Variants in GLIS2 observed in about 807,000 individuals in gnomAD.
The protein encoded by GLIS2 is GLIS family zinc finger 2, also known as zinc finger protein GLIS2.
In GLIS2, 14 loss-of-function variants were observed where a neutral mutation model predicts 35.6. The observed-to-expected ratio is 0.39, with a 90% CI of 0.26 to 0.61. The LOEUF (loss-of-function observed/expected upper bound fraction) is 0.61. Among genes scored for constraint, GLIS2 ranks in the 20% least tolerant of loss-of-function variants. The probability of loss-of-function intolerance (pLI) is 0.48; values close to 1 mark genes in which losing one functional copy is unlikely to be tolerated. For missense variants in GLIS2, 675 were observed against 713.4 expected (o/e 0.95, Z 0.61); for synonymous variants, 368 against 325.1 (o/e 1.13, Z -1.42).
upstream of GLIS2, chr16:4,315,169 A>T (rs2053293285): frequency 6.6e-6 from 1 of 152,224 alleles, no homozygotes; most frequent in South Asian, 2.1e-4. Context: ...GCTAGGAACC[A>T]AGCGGAAGCT....
intron 3 of GLIS2, 145 bp from the exon 4 acceptor site, chr16:4,334,656 T>C: frequency 2.2e-6 from 2 of 918,616 alleles, no homozygotes; most frequent in Non-Finnish European, 3.4e-6. Context: ...AGATCCTAGT[T>C]CCAAATAAGG....
rs765167424 is a variant in GLIS2 at position 4,320,606 on chromosome 16, C to T, written c.-67+4352C>T. 1.6e-4 allele frequency among the ~76,000 whole-genome samples: 24 copies of T among 152,266 alleles called. No individual in the cohort carries two copies. The highest frequency in any genetic ancestry group is 2.4e-4 in the African/African-American group (10 of 41,548). On this transcript the variant is annotated intron_variant, in intron 1 of 6. Coordinates refer to ENST00000433375, the MANE Select transcript of GLIS2 (RefSeq NM_032575.3). This position sits in a 1 kb window ranked among gnomAD's most constrained non-coding sequence, Gnocchi z 5.6. Reference sequence around the variant, plus strand: ...ACTGCAAGGGCATGACGGGGGCCAACGTGTCTGGAAGAAGCCTCTCCCCTT... The same window carrying T: ...ACTGCAAGGGCATGACGGGGGCCAATGTGTCTGGAAGAAGCCTCTCCCCTT...
upstream of GLIS2, chr16:4,314,772 C>T (rs1283938010): frequency 2.6e-5 from 4 of 152,310 alleles, no homozygotes; most frequent in Admixed American, 1.3e-4. Context: ...GATGCCTCAC[C>T]TCTAGGGGAT....
chr16:4,318,602 G>A (rs1001857417), intron 1 of GLIS2, among the ~76,000 whole-genome samples: 1 of 152,204 alleles, frequency 6.6e-6, no homozygotes, highest in Non-Finnish European at 1.5e-5. Context: ...GGCTGAGAGT[G>A]AACAGGCCGG....
At position 4,337,666 on chromosome 16, in the gene GLIS2, T is replaced by C; in HGVS notation, c.*142T>C. On this transcript the variant is annotated 3_prime_UTR_variant, in exon 7 of 7. Coordinates refer to ENST00000433375, the MANE Select transcript of GLIS2 (RefSeq NM_032575.3). Reference sequence around the variant, plus strand: ...AGCCCGCCGGGAGCAAGGATGGTGCTAGGTCATTCATGGCTGGCCTCCCAG... The same window carrying C: ...AGCCCGCCGGGAGCAAGGATGGTGCCAGGTCATTCATGGCTGGCCTCCCAG... 8.1e-7 allele frequency: 1 copy of C among 1,241,400 alleles called. No homozygotes were observed. The highest frequency in any genetic ancestry group is 1.1e-6 in the Non-Finnish European group (1 of 884,838). The allele number at this position is 1,241,400 out of a possible 1,614,324, so 76.9% of individuals were successfully genotyped here.
In GLIS2 at chr16:4,337,800, T is replaced by G; in HGVS notation, c.*276T>G. On this transcript the variant is annotated 3_prime_UTR_variant, in exon 7 of 7. Transcript: ENST00000433375. The stretch of plus-strand genomic sequence containing the variant: ...CCTGGCCCTCAGCTTCTGAGAGGCT[T>G]TCCCCTGCCCGACCTCCTCCCGTTT... The G allele has an allele frequency of 1.7e-6, 1 of 577,546 alleles. No homozygotes were observed. Among genetic ancestry groups the G allele is most frequent in the Non-Finnish European group, 3.1e-6 (1 of 321,132 alleles). 35.8% of individuals were successfully genotyped at this position (577,546 alleles called of 1,614,324 possible).
At position 4,320,274 on chromosome 16, in the gene GLIS2, C is replaced by A. The variant is rs1006302447; in HGVS notation, c.-67+4020C>A. ...AGCCAGCAGAGGCCCCAGGAGACCG[C>A]TGAGTGGACTGAGTCAGCCCCCGGC... On this transcript the variant is annotated intron_variant, in intron 1 of 6. Coordinates refer to ENST00000433375, the MANE Select transcript of GLIS2 (RefSeq NM_032575.3). This position sits in a 1 kb window ranked among gnomAD's most constrained non-coding sequence, Gnocchi z 5.6. 4.6e-5 allele frequency among the ~76,000 whole-genome samples: 7 copies of A among 152,156 alleles called. No homozygotes were observed. The highest frequency in any genetic ancestry group is 7.2e-5 in the African/African-American group (3 of 41,430).
intron 1 of GLIS2, chr16:4,331,596 A>G (rs2141129959): frequency 6.5e-6 from 1 of 154,450 alleles, no homozygotes; most frequent in South Asian, 2.0e-4. Context: ...GTCTTGGCAA[A>G]TCTGATAGTT....
rs372248083 is a variant in GLIS2 at position 4,335,250 on chromosome 16, G to T, written c.657-25G>T. On this transcript the variant is annotated intron_variant, in intron 5 of 6. Transcript: ENST00000433375. This position sits in a 1 kb window ranked among gnomAD's most constrained non-coding sequence, Gnocchi z 4.6. The stretch of plus-strand genomic sequence containing the variant: ...ACTGGGGTCTCCAGTGAGCTGAGCC[G>T]TGCCCCCCGCCCTCCCTGGAGCAGG... The T allele has an allele frequency of 1.2e-6, 2 of 1,613,588 alleles. No homozygotes were observed. The highest frequency in any genetic ancestry group is 2.2e-5 in the East Asian group (1 of 44,868).
Position 4,332,591 on chromosome 16 carries a change from T to A in GLIS2, c.172+139T>A. 1.0e-6 allele frequency: 1 copy of A among 997,958 alleles called. No individual in the cohort carries two copies. Among genetic ancestry groups the A allele is most frequent in the Non-Finnish European group, 1.5e-6 (1 of 670,340 alleles). The allele number at this position is 997,958 out of a possible 1,614,324, so 61.8% of individuals were successfully genotyped here. A position where few individuals can be genotyped will look rare whatever the true frequency, so the allele number is the denominator to read the frequency against. On this transcript the variant is annotated intron_variant, in intron 2 of 6. Coordinates refer to ENST00000433375, the MANE Select transcript of GLIS2 (RefSeq NM_032575.3). The surrounding 1 kb of genome is among the most constrained non-coding windows in gnomAD (Gnocchi z 5.4). Reference sequence around the variant, plus strand: ...CATGGGAAGCCCGCACGCTTGTCCTTCCATCCGCCCAGCATCGTATGTCTG... The same window carrying A: ...CATGGGAAGCCCGCACGCTTGTCCTACCATCCGCCCAGCATCGTATGTCTG...
rs759596371 is a variant in GLIS2, at chr16:4,334,983, TG to T, written c.522+11del. On this transcript the variant is annotated splice_region_variant and intron_variant, in intron 4 of 6. Coordinates refer to ENST00000433375, the MANE Select transcript of GLIS2 (RefSeq NM_032575.3). ...TGGTGTGTCGCTGGGCCAAGGTGAG[TG>T]GGGGCCAGCAAGAGTAGTGTGGAGT... The T allele has an allele frequency of 6.2e-7, 1 of 1,612,808 alleles. No homozygotes were observed. The highest frequency in any genetic ancestry group is 2.2e-5 in the East Asian group (1 of 44,850).
At chr16:4,322,975 A>G (rs2053394034) in intron 1 of GLIS2, among the ~76,000 whole-genome samples, 4 of 152,160 alleles carry the variant, frequency 2.6e-5, no homozygotes, top group African/African-American at 7.2e-5. Context: ...GCTCTCCCCC[A>G]GAAGCCAAGG....
intron 1 of GLIS2, among the ~76,000 whole-genome samples, chr16:4,327,794 C>T (rs1337405564): frequency 6.6e-6 from 1 of 151,678 alleles, no homozygotes; most frequent in African/African-American, 2.4e-5. Context: ...CCTCCCTCGC[C>T]GCAGCCGCTT....
intron 1 of GLIS2, among the ~76,000 whole-genome samples, chr16:4,328,807 CA>C (rs2053466007): frequency 6.6e-6 from 1 of 152,218 alleles, no homozygotes; most frequent in African/African-American, 2.4e-5. Context: ...GCCCTAAGAA[CA>C]AGGTGACTCA....
In GLIS2 at chr16:4,335,037, A is replaced by C; in HGVS notation, c.523-23A>C. ...GGGGCAGGTCACCCCGCATGGGCTC[A>C]GAACACTTCCCATCCTCCGCAGTGT... On this transcript the variant is annotated intron_variant, in intron 4 of 6. Transcript: ENST00000433375. The surrounding 1 kb of genome is among the most constrained non-coding windows in gnomAD (Gnocchi z 4.6). 6.2e-7 allele frequency: 1 copy of C among 1,613,388 alleles called. No homozygotes were observed. Among genetic ancestry groups the C allele is most frequent in the Non-Finnish European group, 8.5e-7 (1 of 1,180,028 alleles).
At chr16:4,318,838 C>G (rs944257279) in intron 1 of GLIS2, among the ~76,000 whole-genome samples, 6 of 152,250 alleles carry the variant, frequency 3.9e-5, no homozygotes, top group African/African-American at 1.2e-4. Context: ...TTCTAGCCAC[C>G]CGCTCCACTC....
intron 1 of GLIS2, among the ~76,000 whole-genome samples, chr16:4,319,744 G>A (rs2053356814): frequency 2.0e-5 from 3 of 152,200 alleles, no homozygotes; most frequent in Non-Finnish European, 2.9e-5. Context: ...ACTGGAGAGG[G>A]ATCATGGTGA....
At chr16:4,330,419 T>G (rs543489811) in intron 1 of GLIS2, among the ~76,000 whole-genome samples, 3 of 152,362 alleles carry the variant, frequency 2.0e-5, no homozygotes, top group Admixed American at 6.5e-5. Flanking sequence ...ATACAGCTGG[T>G]CAACTCCACC....
At chr16:4,315,407 T>C (rs2053295916), upstream of GLIS2, 1 of 152,208 alleles carries the variant, frequency 6.6e-6, no homozygotes, top group African/African-American at 2.4e-5. Flanking sequence ...CAGAGAGGCA[T>C]TCCTGCCGCC....
Sources: allele counts gnomAD v4.1 joint callset (sites outside exome capture counted in the v4.1 genomes callset), GRCh38; gene constraint gnomAD v4.1.1; non-coding constraint Gnocchi (gnomAD v3.1); transcripts MANE v1.5; gene names NCBI Gene and HGNC (gene_info 2026-07-23, HGNC 2026-07-21).